GLG1: variants seen among roughly 807,000 people sequenced by gnomAD.
The protein encoded by GLG1 is Golgi apparatus protein 1.
Under a neutral mutation model 160.5 loss-of-function variants are expected in GLG1, and 38 were observed. That is an observed-to-expected ratio of 0.24 (90% CI 0.18 to 0.31). The LOEUF is 0.31. Ranked by LOEUF, GLG1 falls within the 10% of genes least tolerant of loss-of-function variation. The pLI is 1.00. For synonymous variants in GLG1, 644 were observed against 543.4 expected, an observed-to-expected ratio of 1.19 and a Z score of -2.57; for missense variants, 1,373 against 1,505.2, an observed-to-expected ratio of 0.91 and a Z score of 1.45.
At chr16:74,583,566 G>C (rs1957983559) in intron 1 of GLG1, among the ~76,000 whole-genome samples, 1 of 152,120 alleles carries the variant, frequency 6.6e-6, no homozygotes, top group South Asian at 2.1e-4. Flanking sequence ...TTTTAGCAGA[G>C]GCAGGGTTTC....
At chr16:74,580,585 C>G (rs1342860416) in intron 1 of GLG1, among the ~76,000 whole-genome samples, 2 of 152,178 alleles carry the variant, frequency 1.3e-5, no homozygotes, top group East Asian at 3.9e-4. Flanking sequence ...GTGAAGCAAG[C>G]ATAGGAGAAA....
intron 7 of GLG1, among the ~76,000 whole-genome samples, chr16:74,491,703 T>C (rs2015996990): frequency 7.2e-6 from 1 of 139,452 alleles, no homozygotes. Context: ...CAGCGCGCGA[T>C]CTCGGCTCAC....
At chr16:74,553,831 T>C (rs1056061840) in intron 1 of GLG1, among the ~76,000 whole-genome samples, 1 of 152,200 alleles carries the variant, frequency 6.6e-6, no homozygotes, top group African/African-American at 2.4e-5. Context: ...AGTTATTGTA[T>C]TCTGCTATCA....
intron 1 of GLG1, among the ~76,000 whole-genome samples, chr16:74,584,217 A>G (rs1024017603): frequency 1.4e-4 from 21 of 152,196 alleles, no homozygotes; most frequent in Non-Finnish European, 2.6e-4. Flanking sequence ...TTCAATAGAC[A>G]GCCAGCTTTG....
intron 11 of GLG1, among the ~76,000 whole-genome samples, chr16:74,479,945 T>C (rs914897583): frequency 2.0e-5 from 3 of 152,046 alleles, no homozygotes; most frequent in African/African-American, 7.2e-5. Flanking sequence ...TAAATAAAGT[T>C]AGGACAGCAG....
At chr16:74,526,770 G>C (rs1330991748) in intron 2 of GLG1, among the ~76,000 whole-genome samples, 5 of 152,090 alleles carry the variant, frequency 3.3e-5, no homozygotes, top group Admixed American at 6.6e-5. Flanking sequence ...TTGACATGGA[G>C]AAATACTGTA....
chr16:74,504,728 C>A (rs893661300), intron 3 of GLG1, among the ~76,000 whole-genome samples: 2 of 152,088 alleles, frequency 1.3e-5, no homozygotes, highest in South Asian at 4.1e-4. Context: ...ATGTTCAGTG[C>A]AGTTTAGCAA....
At chr16:74,514,890 A>T (rs980856218) in intron 2 of GLG1, among the ~76,000 whole-genome samples, 21 of 152,136 alleles carry the variant, frequency 1.4e-4, no homozygotes, top group African/African-American at 4.8e-4. Flanking sequence ...TATTCAGGAG[A>T]CGCATCTCAT....
Position 74,463,009 on chromosome 16 carries a change from C to CA in GLG1, c.2791+346dup, listed in dbSNP as rs998392989. The stretch of plus-strand genomic sequence containing the variant: ...CATTAACTTACGAGGTCTTCCAACT[C>CA]AGAGGTGAAATGTTTCTGTTCCGAA... On this transcript the variant is annotated intron_variant, in intron 20 of 25. Coordinates refer to ENST00000422840, the MANE Select transcript of GLG1 (RefSeq NM_001145667.2). The CA allele has an allele frequency of 4.8e-5, 20 of 418,186 alleles. 2 individuals carry two copies. The highest frequency in any genetic ancestry group is 9.3e-5 in the East Asian group (2 of 21,496). 25.9% of individuals were successfully genotyped at this position (418,186 alleles called of 1,614,324 possible).
rs1424906653 is a variant in GLG1, at chr16:74,606,852, C to T, written c.243G>A (p.Gln81=). Residue 81 remains glutamine, a synonymous_variant, in exon 1 of 26, where the codon CAG becomes CAA. Transcript: ENST00000422840. The part of the protein sequence containing the change: ...QLQQQQQQQQ[Q]QQQPQPPQPP... ...GCTGCGGCGGCTGAGGCTGCTGTTG[C>T]TGTTGCTGCTGCTGCTGTTGCTGCT... 6.3e-7 allele frequency: 1 copy of T among 1,597,940 alleles called. No individual in the cohort carries two copies. The highest frequency in any genetic ancestry group is 1.1e-5 in the South Asian group (1 of 89,806).
intron 1 of GLG1, among the ~76,000 whole-genome samples, chr16:74,605,562 G>A (rs1443614930): frequency 2.0e-5 from 3 of 151,994 alleles, no homozygotes; most frequent in African/African-American, 7.3e-5. Context: ...ACATTTCTAG[G>A]GGCTCTGGAA....
chr16:74,606,847 T>C lies in GLG1; in HGVS notation c.248A>G (p.Gln83Arg), dbSNP rs1298610882. 4 of 1,597,964 alleles carry C rather than the reference T, an allele frequency of 2.5e-6. No homozygotes were observed. Among genetic ancestry groups the C allele is most frequent in the Non-Finnish European group, 3.4e-6 (4 of 1,173,180 alleles). The part of the protein sequence containing the change: ...QQQQQQQQQQ[Q>R]QPQPPQPPFP... ...AGGCGGCTGCGGCGGCTGAGGCTGC[T>C]GTTGCTGTTGCTGCTGCTGCTGTTG... The change falls in exon 1 of 26, where the codon CAG becomes CGG. Residue 83 changes from glutamine to arginine, a missense_variant. By Grantham distance (43) the Gln-to-Arg change is conservative. Around this residue, in one of 4 missense-constraint regions of GLG1, gnomAD observed 322 missense variants for 254.6 expected, o/e 1.26. Transcript: ENST00000422840.
chr16:74,470,117 T>C, intron 15 of GLG1, 44 bp from the exon 16 acceptor site: 1 of 1,215,318 alleles, frequency 8.2e-7, no homozygotes, highest in Non-Finnish European at 1.2e-6. Context: ...TGTGGCAACT[T>C]GTGGTCAGTA....
chr16:74,471,385 AGCCCTC>A, intron 14 of GLG1, 99 bp from the exon 15 acceptor site: 17 of 714,642 alleles, frequency 2.4e-5, no homozygotes, highest in Admixed American at 1.1e-4. Flanking sequence ...TAGTTCTAGA[AGCCCTC>A]ACAAAAAAAA....
chr16:74,591,543 G>A (rs1171770624), intron 1 of GLG1, among the ~76,000 whole-genome samples: 2 of 144,336 alleles, frequency 1.4e-5, no homozygotes, highest in African/African-American at 2.6e-5. Flanking sequence ...CAGGAGAATG[G>A]CCTGAACCCG....
At chr16:74,522,580 CTGTG>C (rs1567501132) in intron 2 of GLG1, among the ~76,000 whole-genome samples, 1 of 152,042 alleles carries the variant, frequency 6.6e-6, no homozygotes, top group African/African-American at 2.4e-5. Flanking sequence ...CTTTGTTGCT[CTGTG>C]TGACTTCTTT....
At chr16:74,604,140 G>C (rs749765729) in intron 1 of GLG1, among the ~76,000 whole-genome samples, 2 of 152,126 alleles carry the variant, frequency 1.3e-5, no homozygotes, top group Non-Finnish European at 2.9e-5. Flanking sequence ...AGTGAGCTAT[G>C]ACTGCACCAC....
rs188434084 is a variant in GLG1, at chr16:74,457,746, T to C, written c.3265+128A>G. ...TGGCATCACCCAGGTCCCCAGGGAA[T>C]GTTGTCTATGACTGGGCTACAACTA... On this transcript the variant is annotated intron_variant, in intron 24 of 25. Transcript: ENST00000422840. 5 of 753,544 alleles carry C rather than the reference T, an allele frequency of 6.6e-6. No homozygotes were observed. In the African/African-American group the frequency reaches 8.7e-5, roughly 13 times the overall value. 46.7% of individuals were successfully genotyped at this position (753,544 alleles called of 1,614,324 possible).
At chr16:74,488,458 G>A (rs955354519) in intron 8 of GLG1, among the ~76,000 whole-genome samples, 4 of 152,000 alleles carry the variant, frequency 2.6e-5, no homozygotes, top group African/African-American at 9.7e-5. Context: ...ATTTGACTGG[G>A]GATGGCTACT....
Sources: gnomAD v4.1 joint callset for allele counts (sites outside exome capture counted in the v4.1 genomes callset) on GRCh38, gnomAD v4.1.1 for gene constraint, gnomAD v4.1.1 regional missense constraint, MANE v1.5 for transcripts, NCBI Gene and HGNC (gene_info 2026-07-23, HGNC 2026-07-21) for gene names.